DNAH8: variants seen among roughly 807,000 people sequenced by gnomAD.
DNAH8 encodes the protein axonemal beta dynein heavy chain 8.
A neutral mutation model predicts 562.1 loss-of-function variants in DNAH8; 382 were observed. The observed-to-expected ratio is 0.68, with a 90% confidence interval of 0.63 to 0.74. The LOEUF (loss-of-function observed/expected upper bound fraction) is 0.74. Among genes scored for constraint, DNAH8 ranks in the 30% least tolerant of loss-of-function variants. The probability of loss-of-function intolerance (pLI) is 0.00; values close to 1 mark genes in which losing one functional copy is unlikely to be tolerated. For synonymous variants in DNAH8, 1,881 were observed against 1,919.4 expected, an observed-to-expected ratio of 0.98 and a Z score of 0.52; for missense variants, 5,203 against 5,620.4, an observed-to-expected ratio of 0.93 and a Z score of 2.37.
intron 10 of DNAH8, among the ~76,000 whole-genome samples, chr6:38,760,971 A>G (rs926834215): frequency 3.3e-5 from 5 of 151,706 alleles, no homozygotes; most frequent in African/African-American, 1.2e-4. Context: ...ACACCTACCC[A>G]TTCAATTTAT....
intron 64 of DNAH8, among the ~76,000 whole-genome samples, 186 bp from the exon 65 acceptor site, chr6:38,909,332 C>A (rs1780706610): frequency 6.6e-6 from 1 of 152,134 alleles, no homozygotes; most frequent in South Asian, 2.1e-4. Flanking sequence ...AGTCCCAGGA[C>A]AGGGAAGAGT....
chr6:39,005,913 G>C (rs1053700273), intron 88 of DNAH8, among the ~76,000 whole-genome samples: 1 of 152,210 alleles, frequency 6.6e-6, no homozygotes, highest in Non-Finnish European at 1.5e-5. Flanking sequence ...GTATCTACAT[G>C]TAGAGTCCAA....
At chr6:38,884,019 A>G in intron 56 of DNAH8, 21 bp downstream of exon 56, 1 of 1,453,010 alleles carries the variant, frequency 6.9e-7, no homozygotes, top group Non-Finnish European at 9.1e-7. Flanking sequence ...AATATCTCAT[A>G]TAGATGATCC....
chr6:38,855,668 A>C (rs538911211), intron 41 of DNAH8, among the ~76,000 whole-genome samples: 1 of 152,162 alleles, frequency 6.6e-6, no homozygotes. Flanking sequence ...CCTTCTCGCT[A>C]TTTGAAACTA....
intron 74 of DNAH8, 77 bp from the exon 75 acceptor site, chr6:38,929,434 A>G (rs1782361034): frequency 2.2e-6 from 3 of 1,388,750 alleles, no homozygotes; most frequent in Non-Finnish European, 9.5e-7. Context: ...TTACCTGTCC[A>G]ACAAATCTCT....
chr6:38,891,797 T>TG (rs1358055401), intron 58 of DNAH8, among the ~76,000 whole-genome samples: 3 of 152,238 alleles, frequency 2.0e-5, no homozygotes, highest in Admixed American at 6.5e-5. Context: ...GCTTTGCCCT[T>TG]GCAGCTGTCT....
chr6:39,021,980 C>T (rs1561984858), intron 91 of DNAH8, among the ~76,000 whole-genome samples: 1 of 152,220 alleles, frequency 6.6e-6, no homozygotes, highest in Non-Finnish European at 1.5e-5. Context: ...AGTCAAACAA[C>T]AGCCGTGAGT....
intron 15 of DNAH8, 135 bp from the exon 16 acceptor site, chr6:38,781,119 C>T (rs1458062102): frequency 1.2e-6 from 1 of 831,388 alleles, no homozygotes; most frequent in Admixed American, 2.7e-5. Flanking sequence ...CTTGGATGTG[C>T]ATTTACATAT....
rs1353862693 is a variant in DNAH8 at position 38,722,960 on chromosome 6, G to A, written c.151G>A (p.Ala51Thr). 2.5e-6 allele frequency: 4 copies of A among 1,612,768 alleles called. No individual in the cohort carries two copies. In the East Asian group the frequency reaches 8.9e-5, roughly 36 times the overall value. The change falls in exon 2 of 93, where the codon GCA becomes ACA. Residue 51 changes from alanine (A) to threonine (T), a missense_variant. Transcript: ENST00000327475. Reference protein sequence around the residue: ...APAEDGFSPSAEDAVSSVVDY... With the variant: ...APAEDGFSPSTEDAVSSVVDY... ...GGCAGAAGATGGTTTCTCTCCTTCC[G>A]CAGAAGATGCTGTTTCTTCTGTGGT...
At chr6:38,921,151 G>C (rs913335581) in intron 70 of DNAH8, among the ~76,000 whole-genome samples, 1 of 151,962 alleles carries the variant, frequency 6.6e-6, no homozygotes, top group African/African-American at 2.4e-5. Context: ...CAAAGTTCTG[G>C]GATTACAGGC....
At chr6:38,856,731 T>C (rs908210667) in intron 41 of DNAH8, among the ~76,000 whole-genome samples, 3 of 152,196 alleles carry the variant, frequency 2.0e-5, no homozygotes, top group African/African-American at 7.2e-5. Flanking sequence ...TTATTCTTTC[T>C]TTTCTCACTG....
rs772870720 is a variant in DNAH8, at chr6:38,945,459, T to C, written c.12008-8T>C. On this transcript the variant is annotated splice_polypyrimidine_tract_variant and splice_region_variant and intron_variant, in intron 79 of 92. Coordinates refer to ENST00000327475, the MANE Select transcript of DNAH8 (RefSeq NM_001206927.2). ...ACCCAATTCACCCTGTCTGACGCTC[T>C]TCCCCAGGGGGAGCAGCTCTGGACC... is the stretch of plus-strand genomic sequence containing the variant. 235 of 1,613,962 alleles carry C rather than the reference T, an allele frequency of 1.5e-4. No individual in the cohort carries two copies. The highest frequency in any genetic ancestry group is 9.5e-4 in the Admixed American group (57 of 60,030).
In DNAH8 at chr6:38,873,072, C is replaced by G; in HGVS notation, c.7404C>G (p.Ala2468=). 1 of 1,614,112 alleles carries G rather than the reference C, an allele frequency of 6.2e-7. No individual in the cohort carries two copies. The highest frequency in any genetic ancestry group is 8.5e-7 in the Non-Finnish European group (1 of 1,179,992). The part of the protein sequence containing the change: ...LLFEVHNIEN[A]SPATVSRMGM... ...TTGAAGTCCACAATATCGAGAACGCCTCTCCTGCCACGGTTTCTAGGATGG... is the reference window on the plus strand; with the variant it reads ...TTGAAGTCCACAATATCGAGAACGCGTCTCCTGCCACGGTTTCTAGGATGG... Residue 2468 remains alanine (A), a synonymous_variant, in exon 51 of 93, where the codon GCC becomes GCG. Transcript: ENST00000327475.
intron 88 of DNAH8, among the ~76,000 whole-genome samples, chr6:38,993,399 A>G (rs1014998873): frequency 6.6e-6 from 1 of 152,068 alleles, no homozygotes; most frequent in Non-Finnish European, 1.5e-5. Flanking sequence ...ATCAACTGAT[A>G]TATAGTTATG....
chr6:38,821,243 G>A (rs1772808113), intron 26 of DNAH8, among the ~76,000 whole-genome samples: 1 of 152,054 alleles, frequency 6.6e-6, no homozygotes, highest in African/African-American at 2.4e-5. Context: ...ACAATTTAAT[G>A]CACAAAAGCA....
At chr6:38,874,827 G>A (rs989500764) in intron 52 of DNAH8, among the ~76,000 whole-genome samples, 18 of 152,140 alleles carry the variant, frequency 1.2e-4, no homozygotes, top group Non-Finnish European at 2.2e-4. Flanking sequence ...AGTCATTTGT[G>A]GGTAGGTTAG....
intron 85 of DNAH8, among the ~76,000 whole-genome samples, chr6:38,979,286 A>G (rs1278607376): frequency 6.6e-6 from 1 of 152,174 alleles, no homozygotes; most frequent in Non-Finnish European, 1.5e-5. Flanking sequence ...TCTTGTCTCC[A>G]AGTCTTATTT....
chr6:38,721,548 G>C (rs1762752916), intron 1 of DNAH8, among the ~76,000 whole-genome samples: 1 of 151,236 alleles, frequency 6.6e-6, no homozygotes, highest in Admixed American at 6.6e-5. Context: ...AAGAGAGAAG[G>C]GGGTGGGGAG....
chr6:38,787,086 T>C, intron 18 of DNAH8, 134 bp downstream of exon 18: 1 of 440,918 alleles, frequency 2.3e-6, no homozygotes. Flanking sequence ...TGATTCTTGA[T>C]AGAATTAAAA....
Sources: allele counts gnomAD v4.1 joint callset (sites outside exome capture counted in the v4.1 genomes callset), GRCh38; gene constraint gnomAD v4.1.1; transcripts MANE v1.5; gene names NCBI Gene and HGNC (gene_info 2026-07-23, HGNC 2026-07-21).